HIF1A: variants seen among roughly 807,000 people sequenced by gnomAD.
HIF1A encodes the protein hypoxia inducible factor 1 subunit alpha.
In HIF1A, 24 loss-of-function variants were observed where a neutral mutation model predicts 92.7. That is an observed-to-expected ratio of 0.26 (90% CI 0.19 to 0.36). HIF1A has a LOEUF of 0.36. HIF1A is among the 10% of genes least tolerant of loss of function. HIF1A has a pLI of 1.00. For synonymous variants in HIF1A, 319 were observed against 338.7 expected, an observed-to-expected ratio of 0.94 and a Z score of 0.64; for missense variants, 799 against 998.5, an observed-to-expected ratio of 0.80 and a Z score of 2.69.
chr14:61,739,643 G>A (rs1036452691), intron 10 of HIF1A, among the ~76,000 whole-genome samples: 11 of 152,106 alleles, frequency 7.2e-5, no homozygotes, highest in Non-Finnish European at 1.0e-4. Context: ...TAACAAAAAC[G>A]TTAGAATGAG....
At chr14:61,705,972 T>C (rs932172744) in intron 1 of HIF1A, among the ~76,000 whole-genome samples, 2 of 152,184 alleles carry the variant, frequency 1.3e-5, no homozygotes, top group African/African-American at 4.8e-5. Flanking sequence ...TTTCCTGTTA[T>C]GTAAGTACTT....
chr14:61,738,453 C>A, intron 10 of HIF1A, 80 bp downstream of exon 10: 1 of 1,251,024 alleles, frequency 8.0e-7, no homozygotes, highest in Non-Finnish European at 1.1e-6. Flanking sequence ...TTGATTCAAA[C>A]ACTTATTTGA....
chr14:61,740,574 G>C lies in HIF1A; in HGVS notation c.1606G>C (p.Val536Leu). 1 of 1,609,170 alleles carries C rather than the reference G, an allele frequency of 6.2e-7. No individual in the cohort carries two copies. Among genetic ancestry groups the C allele is most frequent in the Non-Finnish European group, 8.5e-7 (1 of 1,176,546 alleles). The change falls in exon 11 of 15, where the codon GTA becomes CTA. Residue 536 changes from valine to leucine, a missense_variant. Val to Leu is a conservative substitution (Grantham distance 32). Around this residue, in one of 2 missense-constraint regions of HIF1A, gnomAD observed 516 missense variants for 721.0 expected, o/e 0.72. Transcript: ENST00000337138. ...GGTCAATGAATTCAAGTTGGAATTG[G>C]TAGAAAAACTTTTTGCTGAAGACAC... is the stretch of plus-strand genomic sequence containing the variant. ...DMVNEFKLELVEKLFAEDTEA... is the reference protein window; with the variant it reads ...DMVNEFKLELLEKLFAEDTEA...
intron 1 of HIF1A, among the ~76,000 whole-genome samples, chr14:61,711,236 A>C (rs576508890): frequency 7.3e-4 from 80 of 110,058 alleles, no homozygotes; most frequent in South Asian, 3.4e-3. Flanking sequence ...TTTTTGAGAC[A>C]GTGTCTTGCT....
intron 1 of HIF1A, among the ~76,000 whole-genome samples, chr14:61,716,392 G>C (rs926684441): frequency 1.2e-4 from 18 of 152,102 alleles, no homozygotes; most frequent in Non-Finnish European, 1.9e-4. Context: ...TACCTTCAAG[G>C]CCAGAAAGAG....
chr14:61,716,976 A>T (rs1378427752), intron 1 of HIF1A: 1 of 152,204 alleles, frequency 6.6e-6, no homozygotes, highest in Non-Finnish European at 1.5e-5. Context: ...TACCTTATGC[A>T]GTAGCAGAAC....
chr14:61,718,141 G>C (rs966384463), intron 1 of HIF1A, among the ~76,000 whole-genome samples: 3 of 151,860 alleles, frequency 2.0e-5, no homozygotes, highest in Admixed American at 1.3e-4. Context: ...AAAAAATACA[G>C]TAAGTTGCTT....
At chr14:61,696,640 T>C (rs905467978) in intron 1 of HIF1A, among the ~76,000 whole-genome samples, 3 of 152,174 alleles carry the variant, frequency 2.0e-5, no homozygotes, top group Admixed American at 6.5e-5. Context: ...GCAGATATTA[T>C]AAATGAATAT....
At chr14:61,721,418 T>A in intron 2 of HIF1A, 91 bp from the exon 3 acceptor site, 8 of 1,057,526 alleles carry the variant, frequency 7.6e-6, no homozygotes, top group Non-Finnish European at 1.1e-5. Context: ...ATAAAGTGTC[T>A]GCGAGAAAAC....
At chr14:61,712,385 T>C (rs569588119) in intron 1 of HIF1A, among the ~76,000 whole-genome samples, 1 of 151,972 alleles carries the variant, frequency 6.6e-6, no homozygotes, top group East Asian at 1.9e-4. Context: ...GAGGCCATTG[T>C]GGAGGCCCAT....
At position 61,747,485 on chromosome 14, in the gene HIF1A, CT is replaced by C. The variant is rs996483325; in HGVS notation, c.*408del. On this transcript the variant is annotated 3_prime_UTR_variant, in exon 15 of 15. Coordinates refer to ENST00000337138, the MANE Select transcript of HIF1A (RefSeq NM_001530.4). The stretch of plus-strand genomic sequence containing the variant: ...ATAGGCAGTTGAAAAATTTTTACAC[CT>C]TTTTTTTCACATTTTACATAAATAA... 7 of 153,390 alleles carry C rather than the reference CT, an allele frequency of 4.6e-5. No homozygotes were observed. Among genetic ancestry groups the C allele is most frequent in the African/African-American group, 9.6e-5 (4 of 41,462 alleles). The allele number at this position is 153,390 out of a possible 1,614,324, so 9.5% of individuals were successfully genotyped here. A position where few individuals can be genotyped will look rare whatever the true frequency, so the allele number is the denominator to read the frequency against.
chr14:61,723,603 G>A (rs1165189463), intron 4 of HIF1A, among the ~76,000 whole-genome samples: 1 of 152,180 alleles, frequency 6.6e-6, no homozygotes, highest in Non-Finnish European at 1.5e-5. Flanking sequence ...TAAAGGAGGA[G>A]TAAATATGCT....
intron 1 of HIF1A, among the ~76,000 whole-genome samples, chr14:61,707,206 C>T (rs2044248639): frequency 6.6e-6 from 1 of 152,270 alleles, no homozygotes; most frequent in Admixed American, 6.5e-5. Flanking sequence ...TTGGTAACAC[C>T]TAGTTGGTGC....
At chr14:61,695,976 C>A in intron 1 of HIF1A, 137 bp downstream of exon 1, 2 of 751,790 alleles carry the variant, frequency 2.7e-6, no homozygotes, top group South Asian at 1.8e-5. Context: ...GCTCCCCTCC[C>A]CTCTCTTCCC....
intron 1 of HIF1A, among the ~76,000 whole-genome samples, chr14:61,704,279 A>C (rs2044211064): frequency 6.6e-6 from 1 of 152,214 alleles, no homozygotes; most frequent in Non-Finnish European, 1.5e-5. Flanking sequence ...AAGGCTATTC[A>C]CCACCAGTGA....
chr14:61,702,450 A>G (rs956271982), intron 1 of HIF1A, among the ~76,000 whole-genome samples: 3 of 150,890 alleles, frequency 2.0e-5, no homozygotes, highest in Non-Finnish European at 3.0e-5. Context: ...AAAAAAAAAA[A>G]AAAAAAATTA....
At chr14:61,732,116 A>T (rs2044582933) in intron 6 of HIF1A, among the ~76,000 whole-genome samples, 1 of 152,168 alleles carries the variant, frequency 6.6e-6, no homozygotes, top group African/African-American at 2.4e-5. Context: ...CTCCAGCCTG[A>T]GCAACACGAG....
intron 4 of HIF1A, among the ~76,000 whole-genome samples, chr14:61,724,374 T>TCTCTCTCTCC (rs1185336183): frequency 6.7e-6 from 1 of 150,314 alleles, no homozygotes; most frequent in Admixed American, 6.7e-5. Flanking sequence ...TCTCTCTCTC[T>TCTCTCTCTCC]CTCTCTCCCC....
intron 2 of HIF1A, among the ~76,000 whole-genome samples, chr14:61,721,250 A>AAAAT (rs796236481): frequency 1.3e-4 from 20 of 151,994 alleles, no homozygotes; most frequent in Non-Finnish European, 2.1e-4. Flanking sequence ...CAAAAATAAT[A>AAAAT]AAATAAATAA....
Sources: gnomAD v4.1 joint callset for allele counts (sites outside exome capture counted in the v4.1 genomes callset) on GRCh38, gnomAD v4.1.1 for gene constraint, gnomAD v4.1.1 regional missense constraint, MANE v1.5 for transcripts, NCBI Gene and HGNC (gene_info 2026-07-23, HGNC 2026-07-21) for gene names.